NTM: variants seen among roughly 807,000 people sequenced by gnomAD.
NTM encodes IgLON family member 2.
NTM carries 13 observed loss-of-function variants against 42.1 expected under a neutral mutation model. The ratio of observed to expected loss-of-function variants is 0.31; its 90% confidence interval spans 0.20 to 0.49. NTM has a LOEUF of 0.49. NTM is among the 20% of genes least tolerant of loss of function. The probability of loss-of-function intolerance (pLI) is 0.99; values close to 1 mark genes in which losing one functional copy is unlikely to be tolerated. For synonymous variants in NTM, 187 were observed against 179.2 expected, an observed-to-expected ratio of 1.04 and a Z score of -0.35; for missense variants, 373 against 452.8, an observed-to-expected ratio of 0.82 and a Z score of 1.60.
chr11:132,110,522 G>A (rs542831277), intron 2 of NTM, among the ~76,000 whole-genome samples: 61 of 152,266 alleles, frequency 4.0e-4, no homozygotes, highest in Non-Finnish European at 7.9e-4. Context: ...TCCATTTTTG[G>A]CTGAAGGGCT....
rs1017020361 is a variant in NTM at position 131,849,956 on chromosome 11, A to G, written c.83-61608A>G. Among the ~76,000 whole-genome samples the G allele has an allele frequency of 2.4e-5, 3 of 124,926 alleles. No homozygotes were observed. The East Asian group carries it at 7.0e-4, about 29-fold the overall frequency. The allele number at this position is 124,926 out of a possible 152,430, so 82.0% of individuals were successfully genotyped here. On this transcript the variant is annotated intron_variant, in intron 1 of 8. Transcript: ENST00000683400. ...CTGCACTTTGTGTACATGTACCCTA[A>G]AACTTAAAGTATAATAATAATAATA...
chr11:132,270,756 G>T (rs775082470), intron 4 of NTM, among the ~76,000 whole-genome samples: 2 of 151,556 alleles, frequency 1.3e-5, no homozygotes, highest in Non-Finnish European at 2.9e-5. Context: ...TGGTTGAGCC[G>T]CTTTACACCA....
intron 1 of NTM, among the ~76,000 whole-genome samples, chr11:131,492,933 T>A (rs1954949095): frequency 6.6e-6 from 1 of 151,990 alleles, no homozygotes; most frequent in Non-Finnish European, 1.5e-5. Flanking sequence ...AGAAGCAACT[T>A]AGGGCCAGGT....
chr11:132,105,928 A>G (rs992723501), intron 2 of NTM, among the ~76,000 whole-genome samples: 4 of 151,852 alleles, frequency 2.6e-5, no homozygotes, highest in African/African-American at 9.7e-5. Flanking sequence ...GAACCTTGTA[A>G]CTCCCTCCAC....
chr11:132,307,288 T>C (rs922977733), intron 4 of NTM, among the ~76,000 whole-genome samples: 1 of 152,224 alleles, frequency 6.6e-6, no homozygotes, highest in African/African-American at 2.4e-5. Flanking sequence ...TGTGCAGTCA[T>C]AAATTTTATA....
chr11:131,536,803 C>T (rs1409055903), intron 1 of NTM: 3 of 152,192 alleles, frequency 2.0e-5, no homozygotes, highest in Non-Finnish European at 4.4e-5. Flanking sequence ...ATAATATGTT[C>T]AGAGACTGTG....
intron 4 of NTM, among the ~76,000 whole-genome samples, chr11:132,262,971 C>A (rs1482433155): frequency 6.6e-6 from 1 of 152,192 alleles, no homozygotes; most frequent in Non-Finnish European, 1.5e-5. Context: ...GGTAGGCATT[C>A]CCATTCCAAG....
At chr11:131,411,543 GT>G (rs1946419208) in intron 1 of NTM, among the ~76,000 whole-genome samples, 1 of 9,774 alleles carries the variant, frequency 1.0e-4, no homozygotes, top group Non-Finnish European at 2.9e-4. Context: ...GGGGGGCCGT[GT>G]GTGTGTGTGT....
At chr11:131,951,821 C>CAAA (rs11366451) in intron 2 of NTM, among the ~76,000 whole-genome samples, 3 of 70,146 alleles carry the variant, frequency 4.3e-5, no homozygotes, top group Non-Finnish European at 7.9e-5. Flanking sequence ...GACTCCGTCT[C>CAAA]AAAAAAAAAA....
At chr11:132,132,734 G>A (rs942512077) in intron 2 of NTM, among the ~76,000 whole-genome samples, 3 of 152,166 alleles carry the variant, frequency 2.0e-5, no homozygotes, top group Non-Finnish European at 4.4e-5. Flanking sequence ...CTGAGTCACA[G>A]AAAGACTACG....
At chr11:132,112,718 T>TACAC (rs61630313) in intron 2 of NTM, among the ~76,000 whole-genome samples, 13,828 of 142,058 alleles carry the variant, frequency 0.097, 721 homozygotes, top group South Asian at 0.14. Context: ...ACTGCACACT[T>TACAC]ACACACACAC....
chr11:131,418,897 C>G (rs1487514487), intron 1 of NTM, among the ~76,000 whole-genome samples: 2 of 152,178 alleles, frequency 1.3e-5, no homozygotes, highest in Admixed American at 6.5e-5. Context: ...GCATTAAAAT[C>G]AGGGTGGCGC....
chr11:131,651,833 C>T (rs1163977938), intron 1 of NTM, among the ~76,000 whole-genome samples: 1 of 151,562 alleles, frequency 6.6e-6, no homozygotes, highest in African/African-American at 2.4e-5. Flanking sequence ...ATGTGAGACT[C>T]CGTCCCCGCC....
intron 1 of NTM, among the ~76,000 whole-genome samples, chr11:131,726,963 A>G (rs1171172904): frequency 6.6e-6 from 1 of 151,320 alleles, no homozygotes; most frequent in Non-Finnish European, 1.5e-5. Flanking sequence ...CACTGGGATT[A>G]CAGGCGCAAG....
rs959579798 is a variant in NTM, at chr11:132,118,561, A to G, written c.168-27721A>G. On this transcript the variant is annotated intron_variant, in intron 2 of 8. Coordinates refer to ENST00000683400, the MANE Select transcript of NTM (RefSeq NM_001352005.2). ...GAACACGGGCTTCCTCTCCAAGGAC[A>G]GCTACTGCTGTTTTGGAGAAAGCTT... Among the ~76,000 whole-genome samples the G allele has an allele frequency of 2.0e-5, 3 of 152,346 alleles. No homozygotes were observed. The East Asian group carries it at 5.8e-4, about 29-fold the overall frequency.
intron 1 of NTM, among the ~76,000 whole-genome samples, chr11:131,592,124 C>T (rs1190575408): frequency 1.3e-5 from 2 of 152,202 alleles, no homozygotes; most frequent in African/African-American, 4.8e-5. Context: ...CCACTACGCA[C>T]TCACCCCACT....
intron 1 of NTM, chr11:131,910,109 T>G (rs1478780907): frequency 6.6e-6 from 1 of 152,236 alleles, no homozygotes; most frequent in Non-Finnish European, 1.5e-5. Flanking sequence ...ATGGTAGTGT[T>G]GAGTCTCTGG....
At chr11:132,047,807 T>C (rs1293255157) in intron 2 of NTM, among the ~76,000 whole-genome samples, 1 of 152,204 alleles carries the variant, frequency 6.6e-6, no homozygotes, top group African/African-American at 2.4e-5. Flanking sequence ...AGTAGGGTCC[T>C]CATTTAGGAA....
At chr11:131,904,281 A>G (rs1000679319) in intron 1 of NTM, among the ~76,000 whole-genome samples, 17 of 152,140 alleles carry the variant, frequency 1.1e-4, no homozygotes, top group African/African-American at 3.9e-4. Context: ...AAGTAATCCA[A>G]GTTCCTCTGA....
Sources: allele counts gnomAD v4.1 joint callset (sites outside exome capture counted in the v4.1 genomes callset), GRCh38; gene constraint gnomAD v4.1.1; transcripts MANE v1.5; gene names NCBI Gene and HGNC (gene_info 2026-07-23, HGNC 2026-07-21).